KIAA1549L: variants seen among roughly 807,000 people sequenced by gnomAD.
The protein encoded by KIAA1549L is KIAA1549 like.
In KIAA1549L, 88 loss-of-function variants were observed where a neutral mutation model predicts 160.7. The observed-to-expected ratio is 0.55, with a 90% confidence interval of 0.46 to 0.65. The LOEUF (loss-of-function observed/expected upper bound fraction) is 0.65. Among genes scored for constraint, KIAA1549L ranks in the 30% least tolerant of loss-of-function variants. The pLI is 0.00. For synonymous variants in KIAA1549L, 950 were observed against 976.7 expected (o/e 0.97, Z 0.51); for missense variants, 2,258 against 2,437.5 (o/e 0.93, Z 1.55).
At chr11:33,553,607 C>T (rs1032341099) in intron 6 of KIAA1549L, among the ~76,000 whole-genome samples, 7 of 152,260 alleles carry the variant, frequency 4.6e-5, no homozygotes, top group African/African-American at 1.4e-4. Context: ...TCATGTTAGA[C>T]GAAGATCTAA....
chr11:33,389,664 A>G (rs1471974702), intron 1 of KIAA1549L, among the ~76,000 whole-genome samples: 14 of 152,240 alleles, frequency 9.2e-5, no homozygotes, highest in Non-Finnish European at 5.9e-5. Context: ...TAGTCCAGCA[A>G]TAAACACATT....
At chr11:33,572,921 C>A (rs930680567) in intron 9 of KIAA1549L, among the ~76,000 whole-genome samples, 2 of 152,228 alleles carry the variant, frequency 1.3e-5, no homozygotes, top group African/African-American at 4.8e-5. Context: ...ACCAAACAGA[C>A]AGGTGTTCCA....
chr11:33,648,966 T>C (rs954685186), intron 17 of KIAA1549L, among the ~76,000 whole-genome samples: 1 of 152,174 alleles, frequency 6.6e-6, no homozygotes, highest in Non-Finnish European at 1.5e-5. Flanking sequence ...AATTATCTCT[T>C]CTAATCCGAC....
In KIAA1549L at chr11:33,530,433, AAAAATATATATATATATATATATATATAT is replaced by A. The variant is rs1174726922; in HGVS notation, c.239-11367_239-11339del. 2.7e-3 allele frequency among the ~76,000 whole-genome samples: 26 copies of A among 9,728 alleles called. 2 individuals carry two copies. The highest frequency in any genetic ancestry group is 8.8e-3 in the African/African-American group (21 of 2,376). The allele number at this position is 9,728 out of a possible 152,430, so 6.4% of individuals were successfully genotyped here. ...AAGAAGGAAAAAAAAAAAAAAAAAA[AAAAATATATATATATATATATATATATAT>A]ATATATATATATATATATATATGCA... On this transcript the variant is annotated intron_variant, in intron 1 of 20. Transcript: ENST00000658780.
At chr11:33,477,505 A>G (rs528630016) in intron 1 of KIAA1549L, among the ~76,000 whole-genome samples, 1 of 143,104 alleles carries the variant, frequency 7.0e-6, no homozygotes, top group Non-Finnish European at 1.5e-5. Flanking sequence ...ACGCAGGTGC[A>G]CGCACACACA....
chr11:33,411,402 C>T (rs1000572354), intron 1 of KIAA1549L, among the ~76,000 whole-genome samples: 1 of 152,152 alleles, frequency 6.6e-6, no homozygotes, highest in Non-Finnish European at 1.5e-5. Context: ...GCAGCCTGCT[C>T]CTGCTGCAGG....
intron 7 of KIAA1549L, among the ~76,000 whole-genome samples, chr11:33,560,563 A>C (rs995850125): frequency 2.0e-5 from 3 of 152,232 alleles, no homozygotes; most frequent in Admixed American, 6.5e-5. Flanking sequence ...TGTTTCAGTT[A>C]CATTATCCTC....
chr11:33,508,545 G>C (rs953748237), intron 1 of KIAA1549L, among the ~76,000 whole-genome samples: 12 of 152,156 alleles, frequency 7.9e-5, no homozygotes, highest in Non-Finnish European at 1.6e-4. Context: ...ACCTGCGTGT[G>C]TGTACTTGGG....
intron 1 of KIAA1549L, among the ~76,000 whole-genome samples, chr11:33,526,311 C>A (rs2133136712): frequency 6.6e-6 from 1 of 152,294 alleles, no homozygotes; most frequent in African/African-American, 2.4e-5. Context: ...CCTGGGTAAC[C>A]AGAAGTCCTG....
At chr11:33,439,466 G>T (rs1851448970) in intron 1 of KIAA1549L, among the ~76,000 whole-genome samples, 1 of 151,728 alleles carries the variant, frequency 6.6e-6, no homozygotes, top group Non-Finnish European at 1.5e-5. Flanking sequence ...GCAGTGGCGT[G>T]ATCTCAGCTC....
In KIAA1549L at chr11:33,577,904, C is replaced by G. The variant is rs544096888; in HGVS notation, c.4402+3031C>G. On this transcript the variant is annotated intron_variant, in intron 10 of 20. Transcript: ENST00000658780. ...GATTTATGCACCTGGCTCAGTGTCT[C>G]TTCCTCTCTAACACTTCTGTTCCGG... Among the ~76,000 whole-genome samples the G allele has an allele frequency of 4.0e-3, 609 of 152,328 alleles. 8 individuals are homozygous for G. Among genetic ancestry groups the G allele is most frequent in the African/African-American group, 0.013 (560 of 41,568 alleles).
intron 1 of KIAA1549L, among the ~76,000 whole-genome samples, chr11:33,389,095 A>G (rs1378145107): frequency 2.0e-5 from 3 of 152,222 alleles, no homozygotes; most frequent in Non-Finnish European, 2.9e-5. Flanking sequence ...CAGACACACA[A>G]AATGGTTTTG....
chr11:33,578,152 T>C (rs1241479069), intron 10 of KIAA1549L, among the ~76,000 whole-genome samples: 1 of 152,168 alleles, frequency 6.6e-6, no homozygotes, highest in African/African-American at 2.4e-5. Context: ...TAAGGGACTT[T>C]GCTGGTGGCA....
chr11:33,604,192 G>A (rs1850438926), intron 13 of KIAA1549L, among the ~76,000 whole-genome samples: 2 of 152,276 alleles, frequency 1.3e-5, no homozygotes, highest in South Asian at 4.1e-4. Flanking sequence ...ATATCTGTGG[G>A]TAAGGAATTT....
chr11:33,422,114 C>T (rs867299073), intron 1 of KIAA1549L, among the ~76,000 whole-genome samples: 1 of 152,106 alleles, frequency 6.6e-6, no homozygotes, highest in Non-Finnish European at 1.5e-5. Context: ...TCCTGCCAGG[C>T]CTCTCTCCAT....
chr11:33,614,568 ATATATATATATATATATTTTTT>A (rs1850750049), intron 15 of KIAA1549L, among the ~76,000 whole-genome samples: 2 of 14,662 alleles, frequency 1.4e-4, no homozygotes, highest in African/African-American at 8.2e-4. Context: ...ATATATATAT[ATATATATATATATATATTTTTT>A]TTTTTTTTTT....
chr11:33,553,219 C>T (rs367624101), intron 6 of KIAA1549L, among the ~76,000 whole-genome samples: 21 of 152,084 alleles, frequency 1.4e-4, no homozygotes, highest in Admixed American at 9.8e-4. Flanking sequence ...AAGCTGGTCT[C>T]TAACTCCTGG....
At chr11:33,608,046 C>T (rs752634715) in intron 14 of KIAA1549L, among the ~76,000 whole-genome samples, 14 of 152,166 alleles carry the variant, frequency 9.2e-5, no homozygotes, top group African/African-American at 3.1e-4. Flanking sequence ...GTCCAGCGCT[C>T]CTTTCCTCTC....
chr11:33,595,460 C>T (rs577180800), intron 12 of KIAA1549L, among the ~76,000 whole-genome samples: 3 of 152,098 alleles, frequency 2.0e-5, no homozygotes, highest in Admixed American at 6.5e-5. Context: ...AACTCCTGAC[C>T]TCAAGTGATC....
Sources: gnomAD v4.1 joint callset for allele counts (sites outside exome capture counted in the v4.1 genomes callset) on GRCh38, gnomAD v4.1.1 for gene constraint, MANE v1.5 for transcripts, NCBI Gene and HGNC (gene_info 2026-07-23, HGNC 2026-07-21) for gene names.